The following MGAT4C variants were observed in gnomAD, a reference collection of about 807,000 sequenced individuals.
The protein encoded by MGAT4C is MGAT4 family member C, also known as alpha-1,3-mannosyl-glycoprotein 4-beta-N-acetylglucosaminyltransferase C.
MGAT4C carries 19 observed loss-of-function variants against 40.1 expected under a neutral mutation model. That is an observed-to-expected ratio of 0.47 (90% CI 0.33 to 0.70). The LOEUF is 0.70. Among genes scored for constraint, MGAT4C ranks in the 30% least tolerant of loss-of-function variants. The pLI is 0.02. For missense variants in MGAT4C, 491 were observed against 563.2 expected (o/e 0.87, Z 1.30); for synonymous variants, 181 against 187.1 (o/e 0.97, Z 0.27).
At chr12:86,219,387 T>C (rs1402892779) in intron 1 of MGAT4C, among the ~76,000 whole-genome samples, 4 of 152,170 alleles carry the variant, frequency 2.6e-5, no homozygotes, top group African/African-American at 7.2e-5. Flanking sequence ...AAATTGTTCA[T>C]AACCTATGTC....
chr12:86,461,466 C>T (rs1433129531), intron 2 of MGAT4C, among the ~76,000 whole-genome samples: 10 of 151,942 alleles, frequency 6.6e-5, no homozygotes, highest in African/African-American at 2.4e-4. Flanking sequence ...AGGATGGTCT[C>T]GATCTCCTGA....
At chr12:86,569,282 T>A (rs1960266936) in intron 2 of MGAT4C, among the ~76,000 whole-genome samples, 1 of 152,078 alleles carries the variant, frequency 6.6e-6, no homozygotes, top group Admixed American at 6.6e-5. Context: ...TGCAAAGTAT[T>A]CTTCTGACAA....
At chr12:86,533,922 A>G (rs1461743603) in intron 2 of MGAT4C, among the ~76,000 whole-genome samples, 2 of 151,720 alleles carry the variant, frequency 1.3e-5, no homozygotes, top group Non-Finnish European at 2.9e-5. Context: ...GACAAAGCAG[A>G]CTCTTTGTAG....
rs143777623 is a variant in MGAT4C at position 86,584,636 on chromosome 12, T to C, written c.-229+142573A>G. Among the ~76,000 whole-genome samples the C allele has an allele frequency of 5.3e-5, 8 of 151,430 alleles. 1 individual carries two copies. In the East Asian group the frequency reaches 1.6e-3, roughly 29 times the overall value. On this transcript the variant is annotated intron_variant, in intron 2 of 7. Transcript: ENST00000548651. ...TGATTAAACTTCAATTTCTATTGGA[T>C]CAAGGCCTAGAAAATAAGTTGCTCA...
At chr12:86,469,640 C>CA (rs1261379700) in intron 2 of MGAT4C, among the ~76,000 whole-genome samples, 1 of 151,920 alleles carries the variant, frequency 6.6e-6, no homozygotes, top group Non-Finnish European at 1.5e-5. Context: ...AAAGTAATGG[C>CA]AAAAATGGCA....
chr12:86,475,350 A>G (rs1249277204), intron 2 of MGAT4C, among the ~76,000 whole-genome samples: 1 of 152,032 alleles, frequency 6.6e-6, no homozygotes, highest in Non-Finnish European at 1.5e-5. Flanking sequence ...AATTGCAGAG[A>G]ATACTGGAAA....
intron 2 of MGAT4C, among the ~76,000 whole-genome samples, chr12:86,629,939 C>G (rs1165469967): frequency 6.6e-6 from 1 of 152,042 alleles, no homozygotes; most frequent in African/African-American, 2.4e-5. Flanking sequence ...CACAAAAAAC[C>G]ATTCAAAAAT....
Position 86,167,958 on chromosome 12 carries a change from G to C in MGAT4C, c.-57+88281C>G, listed in dbSNP as rs147005726. 2.5e-3 allele frequency among the ~76,000 whole-genome samples: 380 copies of C among 152,234 alleles called. 1 individual carries two copies. The highest frequency in any genetic ancestry group is 0.01 in the Middle Eastern group (3 of 294). On this transcript the variant is annotated intron_variant, in intron 1 of 4. Transcript: ENST00000611864. The stretch of plus-strand genomic sequence containing the variant: ...TAGTGAATAAGGTATGCTGTCTTCT[G>C]CCAGTGAGCACACAACCTAGCTCAA...
intron 2 of MGAT4C, among the ~76,000 whole-genome samples, chr12:86,451,638 G>T (rs1565772430): frequency 6.6e-6 from 1 of 151,942 alleles, no homozygotes. Flanking sequence ...TTTTGTGTTT[G>T]CCTATTATTT....
chr12:86,020,281 A>G (rs56349535), intron 2 of MGAT4C, among the ~76,000 whole-genome samples: 24,169 of 152,016 alleles, frequency 0.16, 2,283 homozygotes, highest in African/African-American at 0.27. Context: ...GTTTTCAAAG[A>G]GAATGCTTCC....
At chr12:86,701,832 G>A (rs536891269) in intron 2 of MGAT4C, among the ~76,000 whole-genome samples, 1 of 152,168 alleles carries the variant, frequency 6.6e-6, no homozygotes, top group South Asian at 2.1e-4. Flanking sequence ...TTAATAATAA[G>A]AACATTAAAC....
At chr12:86,528,810 T>A (rs1307674224) in intron 2 of MGAT4C, among the ~76,000 whole-genome samples, 1 of 152,084 alleles carries the variant, frequency 6.6e-6, no homozygotes, top group Non-Finnish European at 1.5e-5. Context: ...CTCTTTCCTT[T>A]CTTCTGACTG....
chr12:86,107,064 T>C (rs1876319406), intron 1 of MGAT4C, among the ~76,000 whole-genome samples: 1 of 152,180 alleles, frequency 6.6e-6, no homozygotes, highest in Admixed American at 6.5e-5. Flanking sequence ...ATAAGTGTTT[T>C]TCTTTAGTAA....
chr12:86,601,837 G>A (rs1278957278), intron 2 of MGAT4C, among the ~76,000 whole-genome samples: 1 of 152,172 alleles, frequency 6.6e-6, no homozygotes, highest in East Asian at 1.9e-4. Flanking sequence ...CACTTGCTGT[G>A]GGCGACAAGG....
At chr12:86,608,707 TAA>T (rs527856945) in intron 2 of MGAT4C, among the ~76,000 whole-genome samples, 9 of 146,052 alleles carry the variant, frequency 6.2e-5, no homozygotes, top group African/African-American at 2.0e-4. Flanking sequence ...AACCAGTATG[TAA>T]AAAAAAAAAA....
At chr12:86,104,308 C>T (rs1875725267) in intron 1 of MGAT4C, among the ~76,000 whole-genome samples, 1 of 150,860 alleles carries the variant, frequency 6.6e-6, no homozygotes, top group South Asian at 2.1e-4. Context: ...GGCATGGTGA[C>T]TCACGCCTGT....
chr12:86,708,048 T>C (rs1480315991), intron 2 of MGAT4C, among the ~76,000 whole-genome samples: 1 of 151,206 alleles, frequency 6.6e-6, no homozygotes, highest in Non-Finnish European at 1.5e-5. Context: ...CCCAAGACCA[T>C]GGGAGAAATA....
chr12:86,070,950 A>G (rs2137035488), intron 1 of MGAT4C, among the ~76,000 whole-genome samples: 1 of 152,240 alleles, frequency 6.6e-6, no homozygotes, highest in East Asian at 1.9e-4. Flanking sequence ...TGAAATCTAC[A>G]TTATTATGTA....
intron 2 of MGAT4C, among the ~76,000 whole-genome samples, chr12:86,040,156 A>G (rs1419952981): frequency 1.3e-5 from 2 of 152,184 alleles, no homozygotes; most frequent in Admixed American, 6.5e-5. Context: ...CTCCTGTATG[A>G]GGTGTCTGTC....
Sources: allele counts gnomAD v4.1 joint callset (sites outside exome capture counted in the v4.1 genomes callset), GRCh38; gene constraint gnomAD v4.1.1; transcripts MANE v1.5; gene names NCBI Gene and HGNC (gene_info 2026-07-23, HGNC 2026-07-21).